ASXL3: variants seen among roughly 807,000 people sequenced by gnomAD.
ASXL3 encodes the protein putative Polycomb group protein ASXL3.
In ASXL3, 34 loss-of-function variants were observed where a neutral mutation model predicts 170.6. That is an observed-to-expected ratio of 0.20 (90% confidence interval 0.15 to 0.27). The LOEUF (loss-of-function observed/expected upper bound fraction) is 0.27, where lower values mean the gene tolerates loss of function less well. Ranked by LOEUF, ASXL3 falls within the 10% of genes least tolerant of loss-of-function variation. The pLI is 1.00. For missense variants in ASXL3, 2,592 were observed against 2,695.3 expected (o/e 0.96, Z 0.85); for synonymous variants, 1,002 against 989.1 (o/e 1.01, Z -0.24).
intron 2 of ASXL3, among the ~76,000 whole-genome samples, chr18:33,642,899 T>G (rs1277795364): frequency 1.3e-5 from 2 of 151,946 alleles, no homozygotes; most frequent in Non-Finnish European, 2.9e-5. Context: ...AAATCTGTAT[T>G]GTTATTTAAC....
intron 8 of ASXL3, among the ~76,000 whole-genome samples, chr18:33,730,995 AT>A (rs1315870131): frequency 1.3e-5 from 2 of 152,176 alleles, no homozygotes; most frequent in Non-Finnish European, 2.9e-5. Flanking sequence ...CAATAAGCTT[AT>A]CTTGCATTTG....
chr18:33,688,650 C>T (rs927756997), intron 8 of ASXL3, among the ~76,000 whole-genome samples: 2 of 152,096 alleles, frequency 1.3e-5, no homozygotes, highest in Admixed American at 6.5e-5. Flanking sequence ...ATCAATGTGC[C>T]GATCATATAT....
In ASXL3 at chr18:33,738,633, G is replaced by T. The variant is rs1007434379; in HGVS notation, c.1229G>T (p.Ser410Ile). 4 of 1,613,902 alleles carry T rather than the reference G, an allele frequency of 2.5e-6. No individual in the cohort carries two copies. The highest frequency in any genetic ancestry group is 2.5e-6 in the Non-Finnish European group (3 of 1,179,830). The stretch of plus-strand genomic sequence containing the variant: ...GAACAACAGCCAAAAAGCATGAAAA[G>T]CCCAGCTTCTCCAGAGCCTGGTTTC... ...LAEQQPKSMK[S>I]PASPEPGFCA... The change falls in exon 11 of 12, where the codon AGC becomes ATC. Residue 410 changes from serine to isoleucine, a missense_variant. Around this residue, in one of 4 missense-constraint regions of ASXL3, gnomAD observed 2,246 missense variants for 2,219.6 expected, o/e 1.01. Transcript: ENST00000269197.
intron 1 of ASXL3, 56 bp downstream of exon 1, chr18:33,578,741 C>A: frequency 2.8e-6 from 3 of 1,060,976 alleles, no homozygotes; most frequent in Non-Finnish European, 3.5e-6. Flanking sequence ...GCCGCTCGCC[C>A]CGCGCCGGTC....
At chr18:33,730,311 T>A (rs1257316657) in intron 8 of ASXL3, among the ~76,000 whole-genome samples, 4 of 152,258 alleles carry the variant, frequency 2.6e-5, no homozygotes, top group African/African-American at 4.8e-5. Context: ...ATAGAAGTGA[T>A]TCACCGCTGG....
At chr18:33,723,389 T>G (rs2067294682) in intron 8 of ASXL3, among the ~76,000 whole-genome samples, 1 of 152,134 alleles carries the variant, frequency 6.6e-6, no homozygotes, top group Non-Finnish European at 1.5e-5. Context: ...AGAAGTTGAT[T>G]CTGATACTTA....
At chr18:33,670,142 G>T (rs1266768121) in intron 5 of ASXL3, among the ~76,000 whole-genome samples, 2 of 152,154 alleles carry the variant, frequency 1.3e-5, no homozygotes, top group Non-Finnish European at 2.9e-5. Context: ...AGAAATAAAT[G>T]ATTCCTGCCA....
rs528996627 is a variant in ASXL3 at position 33,747,647 on chromosome 18, A to C, written c.*1052A>C. The stretch of plus-strand genomic sequence containing the variant: ...AAAAGTGTCATTGATGATAAAAGGG[A>C]CTACCCAAGGCTAAAGCGTCAACAT... On this transcript the variant is annotated 3_prime_UTR_variant, in exon 12 of 12. Coordinates refer to ENST00000269197, the MANE Select transcript of ASXL3 (RefSeq NM_030632.3). 2 of 152,292 alleles carry C rather than the reference A, an allele frequency of 1.3e-5. No individual in the cohort carries two copies. The highest frequency in any genetic ancestry group is 4.8e-5 in the African/African-American group (2 of 41,578). 9.4% of individuals were successfully genotyped at this position (152,292 alleles called of 1,614,324 possible).
intron 1 of ASXL3, among the ~76,000 whole-genome samples, chr18:33,586,318 T>G (rs889706095): frequency 1.3e-5 from 2 of 152,252 alleles, no homozygotes; most frequent in Admixed American, 1.3e-4. Flanking sequence ...GGACTCTTTG[T>G]GACCCTCCAC....
chr18:33,632,286 T>C lies in ASXL3; in HGVS notation c.138-12608T>C, dbSNP rs1341473751. Among the ~76,000 whole-genome samples the C allele has an allele frequency of 3.3e-5, 5 of 152,184 alleles. No individual in the cohort carries two copies. The East Asian group carries it at 5.8e-4, about 18-fold the overall frequency. The stretch of plus-strand genomic sequence containing the variant: ...TTGATCTTAGTAATATTTTCTCATA[T>C]AGTTTTCTGAAGTTTGGAATATAAA... On this transcript the variant is annotated intron_variant, in intron 2 of 11. Coordinates refer to ENST00000269197, the MANE Select transcript of ASXL3 (RefSeq NM_030632.3).
intron 3 of ASXL3, 56 bp downstream of exon 3, chr18:33,645,058 A>T: frequency 7.9e-7 from 1 of 1,257,962 alleles, no homozygotes; most frequent in Non-Finnish European, 1.1e-6. Context: ...TTTTTCAGAC[A>T]TGTGAAGGTA....
intron 1 of ASXL3, among the ~76,000 whole-genome samples, chr18:33,600,570 T>C (rs1187318556): frequency 6.6e-6 from 1 of 152,162 alleles, no homozygotes; most frequent in Non-Finnish European, 1.5e-5. Context: ...ATTCTTTTCT[T>C]ACTTTTTAGA....
At chr18:33,578,833 G>T (rs1324358830) in intron 1 of ASXL3, 148 bp downstream of exon 1, 12 of 399,288 alleles carry the variant, frequency 3.0e-5, no homozygotes, top group Non-Finnish European at 1.1e-5. Context: ...TGCGGGAGTG[G>T]GCTCGCCCGG....
intron 2 of ASXL3, among the ~76,000 whole-genome samples, chr18:33,609,881 A>C (rs927941928): frequency 6.6e-6 from 1 of 152,014 alleles, no homozygotes; most frequent in Admixed American, 6.6e-5. Context: ...CAGACTATGC[A>C]TTTTGTGCTC....
At chr18:33,710,144 T>G (rs534817431) in intron 8 of ASXL3, among the ~76,000 whole-genome samples, 393 of 152,248 alleles carry the variant, frequency 2.6e-3, no homozygotes, top group Non-Finnish European at 4.3e-3. Context: ...TAATCCCAGC[T>G]ACTCAGGAGG....
intron 1 of ASXL3, among the ~76,000 whole-genome samples, chr18:33,592,951 G>GTT (rs906068583): frequency 2.0e-4 from 30 of 151,960 alleles, no homozygotes; most frequent in Non-Finnish European, 3.8e-4. Flanking sequence ...AGATAATCTT[G>GTT]TTTATATTTT....
At chr18:33,652,954 G>T (rs561075433) in intron 4 of ASXL3, among the ~76,000 whole-genome samples, 1 of 151,998 alleles carries the variant, frequency 6.6e-6, no homozygotes, top group African/African-American at 2.4e-5. Flanking sequence ...ACATTTAAAA[G>T]GTCTGGACAC....
At chr18:33,742,740 T>C in intron 11 of ASXL3, 148 bp from the exon 12 acceptor site, 1 of 1,203,512 alleles carries the variant, frequency 8.3e-7, no homozygotes. Context: ...CTTTATGCCC[T>C]AAGGGTGCAT....
chr18:33,629,717 A>G (rs1407564487), intron 2 of ASXL3, among the ~76,000 whole-genome samples: 5 of 152,056 alleles, frequency 3.3e-5, no homozygotes, highest in Admixed American at 6.6e-5. Flanking sequence ...TGCACAGGAA[A>G]TCTTATTTTG....
Sources: allele counts gnomAD v4.1 joint callset (sites outside exome capture counted in the v4.1 genomes callset), GRCh38; gene constraint gnomAD v4.1.1; regional missense constraint gnomAD v4.1.1; transcripts MANE v1.5; gene names NCBI Gene and HGNC (gene_info 2026-07-23, HGNC 2026-07-21).